Variants in PAXIP1 observed in about 807,000 individuals in gnomAD.
PAXIP1 encodes PAX interacting protein 1, also known as PAX-interacting protein 1.
In PAXIP1, 19 loss-of-function variants were observed where a neutral mutation model predicts 140.6. The observed-to-expected ratio is 0.14, with a 90% CI of 0.09 to 0.20. The LOEUF (loss-of-function observed/expected upper bound fraction) is 0.20, where lower values mean the gene tolerates loss of function less well. PAXIP1 is among the 10% of genes least tolerant of loss of function. The pLI is 1.00. For missense variants in PAXIP1, 920 were observed against 1,208.6 expected (o/e 0.76, Z 3.54); for synonymous variants, 442 against 444.6 (o/e 0.99, Z 0.07).
chr7:154,983,064 G>A (rs1052917218), intron 5 of PAXIP1, among the ~76,000 whole-genome samples, 155 bp downstream of exon 5: 3 of 152,158 alleles, frequency 2.0e-5, no homozygotes, highest in Non-Finnish European at 4.4e-5. Flanking sequence ...CACATCGTTT[G>A]TGGAATGAAG....
chr7:154,949,974 G>C (rs1038435457), intron 16 of PAXIP1: 1 of 152,126 alleles, frequency 6.6e-6, no homozygotes, highest in African/African-American at 2.4e-5. Flanking sequence ...TCACAGATGA[G>C]ACATTGAGAT....
rs190223640 is a variant in PAXIP1, at chr7:154,993,239, G to A, written c.260+487C>T. Among the ~76,000 whole-genome samples the A allele has an allele frequency of 7.9e-5, 12 of 152,238 alleles. No homozygotes were observed. In the East Asian group the frequency reaches 2.3e-3, roughly 29 times the overall value. On this transcript the variant is annotated intron_variant, in intron 3 of 20. Transcript: ENST00000404141. The stretch of plus-strand genomic sequence containing the variant: ...AATGCAAGCAAGGAAGCTCCCTGAG[G>A]GCAGAAATGGTCTTCTTCACCCCTC...
At chr7:154,955,869 G>A (rs924787312) in intron 14 of PAXIP1, among the ~76,000 whole-genome samples, 1 of 152,098 alleles carries the variant, frequency 6.6e-6, no homozygotes, top group Non-Finnish European at 1.5e-5. Flanking sequence ...ATTCACTTTT[G>A]GTTAAGATCA....
intron 16 of PAXIP1, among the ~76,000 whole-genome samples, chr7:154,952,910 C>A (rs976917700): frequency 1.3e-5 from 2 of 151,476 alleles, no homozygotes; most frequent in Non-Finnish European, 2.9e-5. Flanking sequence ...TTTAACTTTA[C>A]TTCTAGCTTT....
In PAXIP1 at chr7:154,973,908, G is replaced by A. The variant is rs190166265; in HGVS notation, c.1074+1788C>T. On this transcript the variant is annotated intron_variant, in intron 6 of 20. Coordinates refer to ENST00000404141, the MANE Select transcript of PAXIP1 (RefSeq NM_007349.4). This position sits in a 1 kb window ranked among gnomAD's most constrained non-coding sequence, Gnocchi z 4.0. ...ATGAAATGAAAGTGTCCAGAACAAG[G>A]TGAAGCGGCAGACGGGGTGTCACCA... 2.0e-5 allele frequency among the ~76,000 whole-genome samples: 3 copies of A among 152,298 alleles called. No homozygotes were observed.
intron 4 of PAXIP1, among the ~76,000 whole-genome samples, chr7:154,990,207 A>G (rs1482778089): frequency 6.6e-6 from 1 of 151,740 alleles, no homozygotes; most frequent in Non-Finnish European, 1.5e-5. Context: ...ATTCCTGGCT[A>G]ATTTTGTATT....
chr7:155,001,951 C>A (rs1329115360), intron 1 of PAXIP1: 1 of 152,300 alleles, frequency 6.6e-6, no homozygotes, highest in East Asian at 1.9e-4. Flanking sequence ...AGGCCTAACT[C>A]TGATCACTGG....
rs1455015760 is a variant in PAXIP1, at chr7:154,983,325, G to T, written c.332C>A (p.Ser111Tyr). ...GITACLSQVS[S>Y]EDRSALWALV... ...AGCCCACAGGGCACTTCTGTCTTCA[G>T]ATGACACCTGACAGAAAGTTAGAAA... Residue 111 changes from serine to tyrosine, a missense_variant, in exon 5 of 21, where the codon TCT becomes TAT. Physicochemically the swap from Ser to Tyr is moderately radical, Grantham distance 144. Around this residue, in one of 5 missense-constraint regions of PAXIP1, gnomAD observed 419 missense variants for 514.7 expected, o/e 0.81. Coordinates refer to ENST00000404141, the MANE Select transcript of PAXIP1 (RefSeq NM_007349.4). 1 of 1,554,492 alleles carries T rather than the reference G, an allele frequency of 6.4e-7. No homozygotes were observed.
chr7:154,979,241 T>C lies in PAXIP1; in HGVS notation c.439-2910A>G, dbSNP rs77584461. 4.5e-3 allele frequency among the ~76,000 whole-genome samples: 685 copies of C among 152,274 alleles called. 6 individuals are homozygous for C. The highest frequency in any genetic ancestry group is 0.015 in the African/African-American group (633 of 41,566). On this transcript the variant is annotated intron_variant, in intron 5 of 20. Transcript: ENST00000404141. ...CCCTCTCCCCAACAACTAATAACCA[T>C]ACCCCGTTTCTGTTGGTTTTAAGTT...
chr7:154,985,433 C>T (rs540719840), intron 4 of PAXIP1, among the ~76,000 whole-genome samples: 1 of 152,134 alleles, frequency 6.6e-6, no homozygotes, highest in African/African-American at 2.4e-5. Context: ...TGAGCACTGC[C>T]CCCACGTGCA....
chr7:154,955,868 T>G (rs1808485538), intron 14 of PAXIP1, among the ~76,000 whole-genome samples: 1 of 152,244 alleles, frequency 6.6e-6, no homozygotes. Flanking sequence ...AATTCACTTT[T>G]GGTTAAGATC....
rs151170055 is a variant in PAXIP1 at position 154,963,258 on chromosome 7, C to A, written c.1989+413G>T. Among the ~76,000 whole-genome samples the A allele has an allele frequency of 0.011, 1,621 of 152,158 alleles. 14 individuals carry two copies. Among genetic ancestry groups the A allele is most frequent in the Non-Finnish European group, 0.015 (997 of 67,998 alleles). On this transcript the variant is annotated intron_variant, in intron 9 of 20. Coordinates refer to ENST00000404141, the MANE Select transcript of PAXIP1 (RefSeq NM_007349.4). This position sits in a 1 kb window ranked among gnomAD's most constrained non-coding sequence, Gnocchi z 4.1. ...TGGTGGAATCTTGGCTCACTGCAAC[C>A]TCTACCTCCTGGGTTCAAGCAATTC...
Position 154,957,275 on chromosome 7 carries a change from T to C in PAXIP1, c.2498A>G (p.Lys833Arg), listed in dbSNP as rs1180697759. The C allele has an allele frequency of 1.2e-6, 2 of 1,605,320 alleles. No homozygotes were observed. Among genetic ancestry groups the C allele is most frequent in the South Asian group, 1.1e-5 (1 of 89,862 alleles). The change falls in exon 14 of 21, where the codon AAA becomes AGA. Residue 833 changes from lysine (K) to arginine (R), a missense_variant. Transcript: ENST00000404141. ...ATTAGCTACTTCATTCTGTTTCAGT[T>C]TGGGAGGTAGTCTTATACTCTGCAA... ...ELLMSIRLPP[K>R]LKQNEVANVQ...
chr7:154,986,245 T>C lies in PAXIP1; in HGVS notation c.325-2913A>G. ...AAACAGTCCTTTTGTAAAGCTGGGG[T>C]CCTGCCTGGCGTGTGCATGTGAGTG... is the stretch of plus-strand genomic sequence containing the variant. On this transcript the variant is annotated intron_variant, in intron 4 of 20. Coordinates refer to ENST00000404141, the MANE Select transcript of PAXIP1 (RefSeq NM_007349.4). This position sits in a 1 kb window ranked among gnomAD's most constrained non-coding sequence, Gnocchi z 4.8. 8.2e-7 allele frequency: 1 copy of C among 1,218,540 alleles called. No individual in the cohort carries two copies. Among genetic ancestry groups the C allele is most frequent in the Non-Finnish European group, 1.1e-6 (1 of 928,566 alleles). 75.5% of individuals were successfully genotyped at this position (1,218,540 alleles called of 1,614,324 possible).
chr7:154,960,048 C>T (rs1359251155), intron 12 of PAXIP1, 115 bp from the exon 13 acceptor site: 1 of 712,042 alleles, frequency 1.4e-6, no homozygotes, highest in East Asian at 2.5e-5. Context: ...GCTGACAACA[C>T]TTAATAAGGA....
At chr7:154,982,299 CACTG>C (rs1809875979) in intron 5 of PAXIP1, among the ~76,000 whole-genome samples, 1 of 152,210 alleles carries the variant, frequency 6.6e-6, no homozygotes, top group African/African-American at 2.4e-5. Flanking sequence ...CTTGATCACA[CACTG>C]ACTGTTGGGC....
intron 13 of PAXIP1, 47 bp downstream of exon 13, chr7:154,959,843 C>G: frequency 8.0e-7 from 1 of 1,245,270 alleles, no homozygotes; most frequent in Non-Finnish European, 1.2e-6. Flanking sequence ...CCTACTGCAT[C>G]TTAATAATAC....
At chr7:154,981,443 C>G (rs544734335) in intron 5 of PAXIP1, among the ~76,000 whole-genome samples, 20 of 151,516 alleles carry the variant, frequency 1.3e-4, no homozygotes, top group Non-Finnish European at 2.2e-4. Context: ...ATTGGAAAAG[C>G]AAAAAAAGAG....
intron 7 of PAXIP1, 129 bp downstream of exon 7, chr7:154,968,274 G>A: frequency 2.7e-6 from 2 of 733,326 alleles, no homozygotes; most frequent in Middle Eastern, 3.5e-4. Context: ...TGTTAGGTAT[G>A]AGACTCACAC....
Sources: allele counts gnomAD v4.1 joint callset (sites outside exome capture counted in the v4.1 genomes callset), GRCh38; gene constraint gnomAD v4.1.1; regional missense constraint gnomAD v4.1.1; non-coding constraint Gnocchi (gnomAD v3.1); transcripts MANE v1.5; gene names NCBI Gene and HGNC (gene_info 2026-07-23, HGNC 2026-07-21).